Variants in IGSF11 observed in about 807,000 individuals in gnomAD.
IGSF11 encodes the protein CXADR like 1.
IGSF11 carries 22 observed loss-of-function variants against 41.0 expected under a neutral mutation model. The observed-to-expected ratio is 0.54, with a 90% CI of 0.38 to 0.77. The LOEUF (loss-of-function observed/expected upper bound fraction) is 0.77. Among genes scored for constraint, IGSF11 ranks in the 30% least tolerant of loss-of-function variants. The pLI is 0.00. For synonymous variants in IGSF11, 219 were observed against 201.3 expected (o/e 1.09, Z -0.74); for missense variants, 444 against 530.8 (o/e 0.84, Z 1.61).
At chr3:119,105,809 C>G (rs913755639), upstream of IGSF11, among the ~76,000 whole-genome samples, 1 of 152,142 alleles carries the variant, frequency 6.6e-6, no homozygotes, top group Non-Finnish European at 1.5e-5. Context: ...TTCCTTTGGC[C>G]TACCACCACA....
At chr3:118,961,842 C>T (rs570182540) in intron 1 of IGSF11, among the ~76,000 whole-genome samples, 1 of 152,322 alleles carries the variant, frequency 6.6e-6, no homozygotes, top group African/African-American at 2.4e-5. Context: ...ATGTGTTGGT[C>T]TATGTGCCCA....
intron 1 of IGSF11, among the ~76,000 whole-genome samples, chr3:119,134,788 C>T (rs144025848): frequency 7.5e-4 from 114 of 152,208 alleles, no homozygotes; most frequent in African/African-American, 2.2e-3. Flanking sequence ...GGAGGCATCA[C>T]GCTACCTGAC....
chr3:119,052,867 C>A (rs1315843625), intron 1 of IGSF11, among the ~76,000 whole-genome samples: 2 of 152,044 alleles, frequency 1.3e-5, no homozygotes, highest in African/African-American at 4.8e-5. Context: ...ATATGATACA[C>A]CACAAAAACA....
chr3:119,109,724 T>C (rs1341153192), upstream of IGSF11, among the ~76,000 whole-genome samples: 1 of 152,208 alleles, frequency 6.6e-6, no homozygotes, highest in African/African-American at 2.4e-5. Flanking sequence ...CTTGTGGGCA[T>C]TTAATGCTAT....
At chr3:119,038,874 G>C (rs531714608), upstream of IGSF11, among the ~76,000 whole-genome samples, 1 of 152,218 alleles carries the variant, frequency 6.6e-6, no homozygotes, top group Non-Finnish European at 1.5e-5. Context: ...TTCACTTCCA[G>C]CAACAAAACA....
intron 1 of IGSF11, among the ~76,000 whole-genome samples, chr3:118,931,533 C>A (rs1942851704): frequency 6.6e-6 from 1 of 152,164 alleles, no homozygotes; most frequent in South Asian, 2.1e-4. Context: ...AAACATATTT[C>A]TCAAAGAAGC....
At chr3:118,933,621 G>C (rs1273063268) in intron 1 of IGSF11, among the ~76,000 whole-genome samples, 1 of 152,042 alleles carries the variant, frequency 6.6e-6, no homozygotes, top group African/African-American at 2.4e-5. Flanking sequence ...CAGTCGCAAA[G>C]CTAGGAAGTG....
At chr3:118,948,160 A>G (rs548445276) in intron 1 of IGSF11, 3 of 152,392 alleles carry the variant, frequency 2.0e-5, no homozygotes, top group African/African-American at 7.2e-5. Flanking sequence ...ATGTTACCAA[A>G]GAGCTGAAAC....
At position 118,930,058 on chromosome 3, in the gene IGSF11, C is replaced by A. The variant is rs780735142; in HGVS notation, c.216+54G>T. ...TGTACTCATGATGCTTCCCTACCAA[C>A]CTCCTCTGAAAAGATTAACCTTTTA... On this transcript the variant is annotated intron_variant, in intron 2 of 6. Coordinates refer to ENST00000393775, the MANE Select transcript of IGSF11 (RefSeq NM_001015887.3). The A allele has an allele frequency of 2.6e-6, 4 of 1,538,116 alleles. No individual in the cohort carries two copies. In the South Asian group the frequency reaches 5.0e-5, roughly 19 times the overall value.
At chr3:118,934,694 T>C (rs1369217833) in intron 1 of IGSF11, among the ~76,000 whole-genome samples, 1 of 152,174 alleles carries the variant, frequency 6.6e-6, no homozygotes, top group Non-Finnish European at 1.5e-5. Context: ...CTCCCAAATA[T>C]ACTCTGGCTC....
rs1421706666 is a variant in IGSF11, at chr3:118,928,579, G to A, written c.354C>T (p.Tyr118=). 9 of 1,613,894 alleles carry A rather than the reference G, an allele frequency of 5.6e-6. No individual in the cohort carries two copies. Among genetic ancestry groups the A allele is most frequent in the Non-Finnish European group, 7.6e-6 (9 of 1,179,926 alleles). Residue 118 remains tyrosine, a synonymous_variant, in exon 3 of 7, where the codon TAC becomes TAT. Coordinates refer to ENST00000393775, the MANE Select transcript of IGSF11 (RefSeq NM_001015887.3). ...CTGGAAGGTTGTTGACCAGGCACTGGTAGGTGCCAGTGTCTGATAACTGAG... is the reference window on the plus strand; with the variant it reads ...CTGGAAGGTTGTTGACCAGGCACTGATAGGTGCCAGTGTCTGATAACTGAG... The part of the protein sequence containing the change: ...NNTQLSDTGT[Y]QCLVNNLPDI...
At chr3:119,033,137 CA>C (rs1231279743) in intron 1 of IGSF11, among the ~76,000 whole-genome samples, 3 of 152,130 alleles carry the variant, frequency 2.0e-5, no homozygotes, top group Non-Finnish European at 2.9e-5. Context: ...AATTCAAAAA[CA>C]AACTATACAC....
chr3:118,952,727 A>G (rs532662645), intron 1 of IGSF11, among the ~76,000 whole-genome samples: 33 of 152,238 alleles, frequency 2.2e-4, no homozygotes, highest in Non-Finnish European at 3.8e-4. Context: ...ATACACAAAA[A>G]TGAGAAGTAA....
intron 1 of IGSF11, among the ~76,000 whole-genome samples, chr3:119,031,302 A>C (rs1172274474): frequency 2.6e-5 from 4 of 152,134 alleles, no homozygotes; most frequent in Non-Finnish European, 4.4e-5. Context: ...GTTATGGATG[A>C]AAAGTTTTAG....
intron 1 of IGSF11, among the ~76,000 whole-genome samples, chr3:119,089,020 G>T (rs993046451): frequency 6.6e-6 from 1 of 152,092 alleles, no homozygotes; most frequent in South Asian, 2.1e-4. Context: ...TAACTGATAC[G>T]AATTCTGCTG....
At chr3:119,064,819 T>C (rs1487271735) in intron 1 of IGSF11, among the ~76,000 whole-genome samples, 1 of 152,182 alleles carries the variant, frequency 6.6e-6, no homozygotes. Context: ...ATTTTCTATT[T>C]GATTATTGCT....
chr3:119,043,149 C>A (rs1941187602), intron 1 of IGSF11, among the ~76,000 whole-genome samples: 1 of 152,244 alleles, frequency 6.6e-6, no homozygotes, highest in South Asian at 2.1e-4. Flanking sequence ...CAATGGCAAG[C>A]CTTTAGCCTG....
At chr3:118,975,501 G>T (rs76722096) in intron 1 of IGSF11, among the ~76,000 whole-genome samples, 3,674 of 152,086 alleles carry the variant, frequency 0.024, 78 homozygotes, top group East Asian at 0.066. Context: ...TCTTTAATTT[G>T]AGCCTAAAAG....
At chr3:119,071,022 G>C (rs1218586467) in intron 1 of IGSF11, among the ~76,000 whole-genome samples, 1 of 152,180 alleles carries the variant, frequency 6.6e-6, no homozygotes, top group Non-Finnish European at 1.5e-5. Flanking sequence ...CTCAAAAAAA[G>C]CTGTTGGGAG....
Sources: allele counts gnomAD v4.1 joint callset (sites outside exome capture counted in the v4.1 genomes callset), GRCh38; gene constraint gnomAD v4.1.1; transcripts MANE v1.5; gene names NCBI Gene and HGNC (gene_info 2026-07-23, HGNC 2026-07-21).